XKRX: variants seen among roughly 807,000 people sequenced by gnomAD.
XKRX encodes the protein XK related X-linked, also known as XK-related protein 2.
XKRX carries 11 observed loss-of-function variants against 22.4 expected under a neutral mutation model. That is an observed-to-expected ratio of 0.49 (90% CI 0.31 to 0.81). The LOEUF (loss-of-function observed/expected upper bound fraction) is 0.81. Ranked by LOEUF, XKRX falls within the 40% of genes least tolerant of loss-of-function variation. The pLI, the probability that XKRX is intolerant of heterozygous loss-of-function variation, is 0.05. For synonymous variants in XKRX, 114 were observed against 132.2 expected (o/e 0.86, Z 0.94); for missense variants, 320 against 336.5 (o/e 0.95, Z 0.38).
chrX:100,890,738 A>C, the XKRX span, among the ~76,000 whole-genome samples: 19 of 111,559 alleles, frequency 1.7e-4, no homozygotes, highest in African/African-American at 5.2e-4. Flanking sequence ...AGGATCACAC[A>C]AAGTCTGAGG....
At chrX:100,908,058 T>C in the XKRX span, among the ~76,000 whole-genome samples, 1 of 110,924 alleles carries the variant, frequency 9.0e-6, no homozygotes, top group African/African-American at 3.3e-5. Flanking sequence ...TATGTAAATG[T>C]GCTTTTCATA....
At chrX:100,918,902 C>G (rs2085458270) in intron 2 of XKRX, among the ~76,000 whole-genome samples, 2 of 110,057 alleles carry the variant, frequency 1.8e-5, no homozygotes, top group Non-Finnish European at 3.8e-5. Flanking sequence ...TTTACTTTAC[C>G]TGGATACTAT....
downstream of XKRX, chrX:100,910,957 G>A (rs2085405054): frequency 1.8e-6 from 1 of 560,564 alleles, no homozygotes. Flanking sequence ...AGACTCCACG[G>A]GGATCAGTAC....
the XKRX span, among the ~76,000 whole-genome samples, chrX:100,949,364 G>GTGT: frequency 0.051 from 809 of 15,993 alleles, 7 homozygotes; most frequent in Non-Finnish European, 0.1. Flanking sequence ...GTTTTTGGTT[G>GTGT]TTTTTTTTTT....
chrX:100,915,909 A>C (rs1740808797), intron 2 of XKRX, among the ~76,000 whole-genome samples: 1 of 111,022 alleles, frequency 9.0e-6, no homozygotes, highest in Non-Finnish European at 1.9e-5. Context: ...ATGGGTGGTT[A>C]CCAGGGGATG....
chrX:100,917,581 GAAAGA>G (rs1270687161), intron 2 of XKRX, among the ~76,000 whole-genome samples: 3 of 92,417 alleles, frequency 3.2e-5, no homozygotes, highest in Admixed American at 2.5e-4. Flanking sequence ...AAGAAAGAGA[GAAAGA>G]AAAGAAAGAA....
the XKRX span, among the ~76,000 whole-genome samples, chrX:100,959,134 C>A: frequency 9.0e-6 from 1 of 110,881 alleles, no homozygotes; most frequent in African/African-American, 3.3e-5. Context: ...AGTGAGATAA[C>A]GTAATTATTT....
chrX:100,945,828 A>G, the XKRX span, among the ~76,000 whole-genome samples: 4 of 106,984 alleles, frequency 3.7e-5, no homozygotes, highest in Non-Finnish European at 7.7e-5. Context: ...AAAAAAAAAA[A>G]AAAGAGATAC....
chrX:100,909,267 C>T (rs2085398578), downstream of XKRX, among the ~76,000 whole-genome samples: 2 of 112,296 alleles, frequency 1.8e-5, no homozygotes, highest in Admixed American at 9.4e-5. Flanking sequence ...GCTTTCATCC[C>T]AGGCGTTTTA....
chrX:100,950,790 T>C, the XKRX span, among the ~76,000 whole-genome samples: 1 of 112,209 alleles, frequency 8.9e-6, no homozygotes, highest in South Asian at 3.7e-4. Flanking sequence ...CACATAAATA[T>C]ACCATAGGTC....
chrX:100,894,123 C>T, the XKRX span, among the ~76,000 whole-genome samples: 1 of 111,317 alleles, frequency 9.0e-6, no homozygotes, highest in African/African-American at 3.3e-5. Context: ...AAAAATTAGC[C>T]TAGCATGGTG....
intron 2 of XKRX, among the ~76,000 whole-genome samples, chrX:100,915,709 C>T (rs199997959): frequency 0.018 from 1,012 of 55,485 alleles, 15 homozygotes; most frequent in African/African-American, 0.054. Flanking sequence ...TGTGTGTGTG[C>T]GTGTGTGTGT....
the XKRX span, chrX:100,956,458 C>A: frequency 3.4e-6 from 1 of 297,355 alleles, no homozygotes; most frequent in Non-Finnish European, 5.9e-6. Context: ...AAAAACCAAA[C>A]CAAACCAAAA....
At chrX:100,902,853 C>T in the XKRX span, among the ~76,000 whole-genome samples, 53 of 109,224 alleles carry the variant, frequency 4.9e-4, no homozygotes, top group African/African-American at 1.6e-3. Context: ...AGGGTTCACG[C>T]CATTCTCCTG....
chrX:100,926,426 T>C, intron 1 of XKRX, among the ~76,000 whole-genome samples: 1 of 112,471 alleles, frequency 8.9e-6, no homozygotes, highest in Non-Finnish European at 1.9e-5. Context: ...AAAAAATTTT[T>C]TTGGCCTTAT....
At chrX:100,955,557 C>T in the XKRX span, among the ~76,000 whole-genome samples, 4 of 110,134 alleles carry the variant, frequency 3.6e-5, no homozygotes, top group East Asian at 8.5e-4. Context: ...CCTATAATCC[C>T]AGCTACTCAG....
rs1285797138 is a variant in XKRX at position 100,928,287 on chromosome X, T to A, written c.18A>T (p.Glu6Asp). 8.3e-7 allele frequency: 1 copy of A among 1,208,803 alleles called. No homozygotes were observed. The highest frequency in any genetic ancestry group is 1.8e-5 in the African/African-American group (1 of 56,970). MDRVY[E>D]IPEEPNVDPV... ...GATCCACATTTGGCTCCTCAGGAAT[T>A]TCATAAACTCTGTCCATTGTCGAGG... The change falls in exon 1 of 3, where the codon GAA (glutamate) becomes GAT (aspartate). Residue 6 changes from glutamate (E) to aspartate (D), a missense_variant. Transcript: ENST00000372956.
At chrX:100,893,049 T>C in the XKRX span, among the ~76,000 whole-genome samples, 1 of 112,220 alleles carries the variant, frequency 8.9e-6, no homozygotes, top group Non-Finnish European at 1.9e-5. Context: ...ACCTAGAGGA[T>C]ATTACACTAA....
the XKRX span, among the ~76,000 whole-genome samples, chrX:100,946,433 C>T: frequency 9.0e-6 from 1 of 111,325 alleles, no homozygotes; most frequent in Non-Finnish European, 1.9e-5. Context: ...AAATTGAGAC[C>T]TCATCTGTAT....
Sources: allele counts gnomAD v4.1 joint callset (sites outside exome capture counted in the v4.1 genomes callset), GRCh38; gene constraint gnomAD v4.1.1; transcripts MANE v1.5; gene names NCBI Gene and HGNC (gene_info 2026-07-23, HGNC 2026-07-21).